UNC5C: variants seen among roughly 807,000 people sequenced by gnomAD.
The protein encoded by UNC5C is netrin receptor UNC5C.
UNC5C carries 47 observed loss-of-function variants against 99.8 expected under a neutral mutation model. That is an observed-to-expected ratio of 0.47 (90% CI 0.37 to 0.60). UNC5C has a LOEUF of 0.60. UNC5C is among the 20% of genes least tolerant of loss of function. The pLI, the probability that UNC5C is intolerant of heterozygous loss-of-function variation, is 0.00. For synonymous variants in UNC5C, 487 were observed against 452.2 expected (o/e 1.08, Z -0.98); for missense variants, 1,062 against 1,165.9 (o/e 0.91, Z 1.30).
intron 3 of UNC5C, among the ~76,000 whole-genome samples, chr4:95,291,890 TATCA>T (rs1456316399): frequency 6.6e-6 from 1 of 152,080 alleles, no homozygotes; most frequent in Non-Finnish European, 1.5e-5. Context: ...TTATACAAGG[TATCA>T]TACTACAACT....
At chr4:95,201,281 C>T (rs890947904) in intron 12 of UNC5C, among the ~76,000 whole-genome samples, 7 of 152,102 alleles carry the variant, frequency 4.6e-5, no homozygotes, top group East Asian at 1.9e-4. Context: ...CTTGACCTTC[C>T]GCCCCATCCA....
intron 1 of UNC5C, among the ~76,000 whole-genome samples, chr4:95,510,156 CTT>C (rs1722031790): frequency 1.3e-5 from 2 of 151,858 alleles, no homozygotes; most frequent in Admixed American, 1.3e-4. Context: ...TCCAAATTCT[CTT>C]TGATGTTTCA....
chr4:95,519,070 G>C (rs1722284422), intron 1 of UNC5C, among the ~76,000 whole-genome samples: 1 of 151,996 alleles, frequency 6.6e-6, no homozygotes, highest in South Asian at 2.1e-4. Flanking sequence ...CCATACTTTG[G>C]GAAACTTGCT....
At chr4:95,257,753 A>G (rs538599621) in intron 4 of UNC5C, among the ~76,000 whole-genome samples, 13 of 152,322 alleles carry the variant, frequency 8.5e-5, no homozygotes, top group African/African-American at 2.9e-4. Flanking sequence ...AAAGTTTTGA[A>G]ATAATTTTTA....
chr4:95,258,740 CTTA>C (rs972592288), intron 4 of UNC5C, among the ~76,000 whole-genome samples: 5 of 118,494 alleles, frequency 4.2e-5, no homozygotes, highest in African/African-American at 1.2e-4. Flanking sequence ...AATCGACCAT[CTTA>C]TTCTTTTTTT....
intron 13 of UNC5C, 143 bp downstream of exon 13, chr4:95,184,904 T>C: frequency 1.1e-6 from 1 of 952,068 alleles, no homozygotes; most frequent in Non-Finnish European, 1.4e-6. Flanking sequence ...TTCTCAAAAA[T>C]CCTAAATAAC....
At chr4:95,238,500 C>A (rs1441019635) in intron 7 of UNC5C, among the ~76,000 whole-genome samples, 1 of 152,114 alleles carries the variant, frequency 6.6e-6, no homozygotes, top group Non-Finnish European at 1.5e-5. Flanking sequence ...TATTGTCTAC[C>A]ATTTAGCTCC....
chr4:95,261,016 G>A (rs1740201918), intron 4 of UNC5C, among the ~76,000 whole-genome samples: 1 of 152,164 alleles, frequency 6.6e-6, no homozygotes, highest in African/African-American at 2.4e-5. Context: ...TCAGAAAGGA[G>A]CAGAGATCCA....
At chr4:95,265,326 G>A (rs528201171) in intron 4 of UNC5C, among the ~76,000 whole-genome samples, 2 of 152,134 alleles carry the variant, frequency 1.3e-5, no homozygotes, top group East Asian at 1.9e-4. Flanking sequence ...TGATGTGATC[G>A]ATTCACACTG....
chr4:95,428,494 G>A (rs1438470152), intron 1 of UNC5C, among the ~76,000 whole-genome samples: 2 of 152,046 alleles, frequency 1.3e-5, no homozygotes, highest in Admixed American at 6.6e-5. Flanking sequence ...CATGGAAAGG[G>A]GCTCAATGAA....
At chr4:95,264,278 A>G (rs1368786274) in intron 4 of UNC5C, among the ~76,000 whole-genome samples, 1 of 152,164 alleles carries the variant, frequency 6.6e-6, no homozygotes, top group African/African-American at 2.4e-5. Flanking sequence ...GAAGACATGA[A>G]CTTGAAGGTT....
intron 1 of UNC5C, among the ~76,000 whole-genome samples, chr4:95,537,694 AATTTC>A (rs762038827): frequency 1.0e-3 from 157 of 152,310 alleles, no homozygotes; most frequent in South Asian, 9.3e-3. Flanking sequence ...GTCAAACTTC[AATTTC>A]ATTTCAGACA....
chr4:95,459,115 A>T (rs1747525532), intron 1 of UNC5C, among the ~76,000 whole-genome samples: 1 of 152,112 alleles, frequency 6.6e-6, no homozygotes, highest in Non-Finnish European at 1.5e-5. Context: ...AAGAACATAA[A>T]GTTACAAGGA....
intron 2 of UNC5C, among the ~76,000 whole-genome samples, chr4:95,306,095 G>A (rs993659072): frequency 2.2e-4 from 33 of 152,158 alleles, no homozygotes; most frequent in Non-Finnish European, 8.8e-5. Flanking sequence ...AATAAAGTAA[G>A]TATTAAAGTC....
chr4:95,344,501 G>C (rs950953704), intron 1 of UNC5C, among the ~76,000 whole-genome samples: 7 of 151,920 alleles, frequency 4.6e-5, no homozygotes, highest in African/African-American at 1.7e-4. Context: ...TTATCTGAAG[G>C]TGCAAAACTG....
intron 2 of UNC5C, among the ~76,000 whole-genome samples, chr4:95,311,401 C>T (rs1468965539): frequency 1.3e-5 from 2 of 152,172 alleles, no homozygotes; most frequent in African/African-American, 4.8e-5. Flanking sequence ...AATATTTGTC[C>T]TAAAACACCG....
At chr4:95,179,977 G>A (rs1326306136) in intron 14 of UNC5C, among the ~76,000 whole-genome samples, 1 of 147,178 alleles carries the variant, frequency 6.8e-6, no homozygotes, top group Non-Finnish European at 1.5e-5. Flanking sequence ...ATGATAGAAA[G>A]AAAATCTGAA....
intron 2 of UNC5C, among the ~76,000 whole-genome samples, chr4:95,325,164 A>T (rs201030205): frequency 6.6e-6 from 1 of 152,200 alleles, no homozygotes; most frequent in East Asian, 1.9e-4. Context: ...ATTAGGAGCC[A>T]ATTATACTGA....
intron 1 of UNC5C, among the ~76,000 whole-genome samples, chr4:95,391,906 A>C (rs1363908944): frequency 6.6e-6 from 1 of 152,106 alleles, no homozygotes; most frequent in Non-Finnish European, 1.5e-5. Context: ...GAGAAACCCC[A>C]GCTCTAGCTG....
Sources: gnomAD v4.1 joint callset for allele counts (sites outside exome capture counted in the v4.1 genomes callset) on GRCh38, gnomAD v4.1.1 for gene constraint, MANE v1.5 for transcripts, NCBI Gene and HGNC (gene_info 2026-07-23, HGNC 2026-07-21) for gene names.